Variants in TRAPPC13 observed in about 807,000 individuals in gnomAD.
The protein encoded by TRAPPC13 is REV7-interacting novel NHEJ regulator 1.
Under a neutral mutation model 54.0 loss-of-function variants are expected in TRAPPC13, and 39 were observed. The ratio of observed to expected loss-of-function variants is 0.72; its 90% CI spans 0.56 to 0.94. The LOEUF is 0.94. TRAPPC13 is among the 40% of genes least tolerant of loss of function. The probability of loss-of-function intolerance (pLI) is 0.00; values close to 1 mark genes in which losing one functional copy is unlikely to be tolerated. For missense variants in TRAPPC13, 386 were observed against 488.1 expected, an observed-to-expected ratio of 0.79 and a Z score of 1.97; for synonymous variants, 148 against 167.7, an observed-to-expected ratio of 0.88 and a Z score of 0.91.
intron 1 of TRAPPC13, among the ~76,000 whole-genome samples, chr5:65,628,586 C>T (rs930326946): frequency 6.6e-6 from 1 of 151,908 alleles, no homozygotes; most frequent in African/African-American, 2.4e-5. Flanking sequence ...ATTCTCCTCC[C>T]TCAGCCTCCT....
At chr5:65,659,543 G>A (rs2150691484) in intron 9 of TRAPPC13, among the ~76,000 whole-genome samples, 1 of 152,168 alleles carries the variant, frequency 6.6e-6, no homozygotes, top group African/African-American at 2.4e-5. Context: ...GTGAATGTGG[G>A]TTTAAAAAAA....
intron 9 of TRAPPC13, among the ~76,000 whole-genome samples, chr5:65,659,283 A>G (rs566858363): frequency 2.0e-5 from 3 of 152,196 alleles, no homozygotes; most frequent in Non-Finnish European, 4.4e-5. Context: ...TATAACATGT[A>G]TCCACCATTA....
intron 7 of TRAPPC13, among the ~76,000 whole-genome samples, chr5:65,655,404 C>G (rs1312040612): frequency 1.3e-5 from 2 of 152,150 alleles, no homozygotes; most frequent in Non-Finnish European, 2.9e-5. Flanking sequence ...GAGTATTCAG[C>G]CATAGGGTTC....
intron 4 of TRAPPC13, among the ~76,000 whole-genome samples, chr5:65,646,241 A>T (rs1479106943): frequency 6.6e-6 from 1 of 152,116 alleles, no homozygotes; most frequent in Non-Finnish European, 1.5e-5. Context: ...AAAGAAATAT[A>T]ATGGAGCATC....
intron 8 of TRAPPC13, among the ~76,000 whole-genome samples, chr5:65,656,213 T>C (rs1233094079): frequency 6.6e-6 from 1 of 152,244 alleles, no homozygotes; most frequent in Non-Finnish European, 1.5e-5. Flanking sequence ...ATCAACTGCC[T>C]TAGCACTGAA....
chr5:65,650,639 G>A (rs1385687628), intron 5 of TRAPPC13, among the ~76,000 whole-genome samples, 171 bp from the exon 6 acceptor site: 3 of 152,162 alleles, frequency 2.0e-5, no homozygotes, highest in African/African-American at 7.2e-5. Context: ...GAGCTTTGTT[G>A]TTCATGTAAT....
chr5:65,661,997 A>C, intron 10 of TRAPPC13, 53 bp from the exon 11 acceptor site: 2 of 1,379,836 alleles, frequency 1.4e-6, no homozygotes, highest in Non-Finnish European at 2.0e-6. Context: ...CCTTCATTAA[A>C]ATGGAAAGGT....
intron 1 of TRAPPC13, among the ~76,000 whole-genome samples, chr5:65,632,935 A>G (rs1755602429): frequency 1.3e-5 from 2 of 152,226 alleles, no homozygotes; most frequent in Non-Finnish European, 2.9e-5. Flanking sequence ...TTCAGGGAAG[A>G]TCTGAATAGC....
At chr5:65,659,241 C>T (rs185408033) in intron 9 of TRAPPC13, among the ~76,000 whole-genome samples, 10 of 152,314 alleles carry the variant, frequency 6.6e-5, no homozygotes, top group Admixed American at 2.0e-4. Context: ...GTATCTGGGA[C>T]TATAGTCAAG....
chr5:65,662,813 A>T (rs536975332), intron 11 of TRAPPC13: 2 of 152,250 alleles, frequency 1.3e-5, no homozygotes, highest in East Asian at 3.9e-4. Flanking sequence ...TCTTTTTGGT[A>T]TTAGAAAGAT....
chr5:65,649,144 A>C (rs1056552055), intron 5 of TRAPPC13, among the ~76,000 whole-genome samples: 1 of 152,174 alleles, frequency 6.6e-6, no homozygotes, highest in African/African-American at 2.4e-5. Context: ...TGAGCCCAGG[A>C]GGTCAAGGCT....
chr5:65,635,746 T>C (rs1471145904), intron 2 of TRAPPC13, among the ~76,000 whole-genome samples, 198 bp from the exon 3 acceptor site: 2 of 151,460 alleles, frequency 1.3e-5, no homozygotes, highest in African/African-American at 4.8e-5. Flanking sequence ...TTTTCTTTGT[T>C]TCTAAAGTTT....
Position 65,655,669 on chromosome 5 carries a change from A to C in TRAPPC13, c.564+16A>C, listed in dbSNP as rs201328288. 1.8e-5 allele frequency: 15 copies of C among 838,280 alleles called. No homozygotes were observed. The East Asian group carries it at 5.2e-4, about 29-fold the overall frequency. The allele number at this position is 838,280 out of a possible 1,614,324, so 51.9% of individuals were successfully genotyped here. On this transcript the variant is annotated intron_variant, in intron 8 of 12. Transcript: ENST00000399438. ...CAGTTCTGTGGTAATTTGATTTTTT[A>C]TTATAAATTTTTATACTTTTCTTAC...
chr5:65,662,729 A>AT (rs1756888865), intron 11 of TRAPPC13: 1 of 152,104 alleles, frequency 6.6e-6, no homozygotes, highest in African/African-American at 2.4e-5. Context: ...TATTTGGGGT[A>AT]TTTTTATAAT....
intron 5 of TRAPPC13, among the ~76,000 whole-genome samples, chr5:65,648,707 A>G (rs1756302209): frequency 6.6e-6 from 1 of 152,204 alleles, no homozygotes; most frequent in Non-Finnish European, 1.5e-5. Flanking sequence ...GCACAAGTAT[A>G]AAGGAGAAAT....
chr5:65,648,872 TA>T (rs1321702509), intron 5 of TRAPPC13, among the ~76,000 whole-genome samples: 19 of 152,174 alleles, frequency 1.2e-4, no homozygotes, highest in Admixed American at 4.6e-4. Flanking sequence ...TTTATTTTTT[TA>T]AATACAGTGT....
intron 1 of TRAPPC13, among the ~76,000 whole-genome samples, chr5:65,627,665 T>C (rs1755313640): frequency 6.6e-6 from 1 of 151,834 alleles, no homozygotes; most frequent in Non-Finnish European, 1.5e-5. Context: ...ATAACACTGA[T>C]TGACTTTAGA....
chr5:65,634,578 C>T (rs1348632007), intron 1 of TRAPPC13, among the ~76,000 whole-genome samples: 2 of 151,872 alleles, frequency 1.3e-5, no homozygotes, highest in Non-Finnish European at 2.9e-5. Context: ...GTAATTTCTA[C>T]ACAGAATTAA....
intron 9 of TRAPPC13, among the ~76,000 whole-genome samples, chr5:65,660,496 G>T (rs1011529608): frequency 4.0e-5 from 6 of 150,912 alleles, no homozygotes; most frequent in African/African-American, 7.3e-5. Flanking sequence ...CAAGATTTTC[G>T]ATATCAACTG....
Sources: allele counts gnomAD v4.1 joint callset (sites outside exome capture counted in the v4.1 genomes callset), GRCh38; gene constraint gnomAD v4.1.1; transcripts MANE v1.5; gene names NCBI Gene and HGNC (gene_info 2026-07-23, HGNC 2026-07-21).